The following ZDHHC21 variants were observed in gnomAD, a reference collection of about 807,000 sequenced individuals.
ZDHHC21 encodes the protein zDHHC palmitoyltransferase 21.
Under a neutral mutation model 34.6 loss-of-function variants are expected in ZDHHC21, and 15 were observed. The observed-to-expected ratio is 0.43, with a 90% CI of 0.29 to 0.67. The LOEUF is 0.67. Ranked by LOEUF, ZDHHC21 falls within the 30% of genes least tolerant of loss-of-function variation. ZDHHC21 has a pLI of 0.14. For missense variants in ZDHHC21, 344 were observed against 327.7 expected, an observed-to-expected ratio of 1.05 and a Z score of -0.38; for synonymous variants, 142 against 101.8, an observed-to-expected ratio of 1.40 and a Z score of -2.38.
intron 8 of ZDHHC21, among the ~76,000 whole-genome samples, chr9:14,633,868 C>T (rs903583969): frequency 6.6e-6 from 1 of 152,184 alleles, no homozygotes; most frequent in African/African-American, 2.4e-5. Context: ...CCGTCCTCCC[C>T]AGTAGCAGGG....
intron 7 of ZDHHC21, among the ~76,000 whole-genome samples, chr9:14,649,237 A>G (rs1425187183): frequency 1.3e-5 from 2 of 152,122 alleles, no homozygotes; most frequent in African/African-American, 4.8e-5. Flanking sequence ...AAAGAATAGA[A>G]ACACCTGGAG....
chr9:14,599,631 G>C, the ZDHHC21 span, among the ~76,000 whole-genome samples: 1 of 151,978 alleles, frequency 6.6e-6, no homozygotes, highest in African/African-American at 2.4e-5. Flanking sequence ...AAAGGGGGCT[G>C]AAGCCAGGGT....
downstream of ZDHHC21, among the ~76,000 whole-genome samples, chr9:14,607,649 G>C (rs918505515): frequency 2.0e-5 from 3 of 151,986 alleles, 1 homozygote; most frequent in East Asian, 5.8e-4. Flanking sequence ...AAGGACAAGA[G>C]ATCAGGGCTG....
chr9:14,597,416 G>A, the ZDHHC21 span, among the ~76,000 whole-genome samples: 1 of 152,158 alleles, frequency 6.6e-6, no homozygotes, highest in Non-Finnish European at 1.5e-5. Flanking sequence ...GACCAGGGAG[G>A]CTGCTCTGGC....
Position 14,614,229 on chromosome 9 carries a change from G to A in ZDHHC21, c.*4737C>T, listed in dbSNP as rs561954905. 5.9e-5 allele frequency: 9 copies of A among 151,510 alleles called. No homozygotes were observed. The highest frequency in any genetic ancestry group is 1.9e-4 in the African/African-American group (8 of 41,422). The allele number at this position is 151,510 out of a possible 1,614,324, so 9.4% of individuals were successfully genotyped here. On this transcript the variant is annotated 3_prime_UTR_variant, in exon 10 of 10. Transcript: ENST00000380916. ...CTACTCATTTGTACCTATTCTCTAG[G>A]GTGGACAAGGCAAAAAGAACATAAT...
intron 7 of ZDHHC21, among the ~76,000 whole-genome samples, chr9:14,655,521 T>C (rs149160474): frequency 6.6e-6 from 1 of 152,000 alleles, no homozygotes; most frequent in Non-Finnish European, 1.5e-5. Flanking sequence ...GATTTTTTTC[T>C]ACATCTACCT....
chr9:14,598,263 C>G, the ZDHHC21 span, among the ~76,000 whole-genome samples: 1 of 152,112 alleles, frequency 6.6e-6, no homozygotes, highest in Non-Finnish European at 1.5e-5. Context: ...ACCTGGTGTC[C>G]TCATCTCCAG....
At chr9:14,674,162 A>G in intron 4 of ZDHHC21, 25 bp downstream of exon 4, 9 of 1,448,098 alleles carry the variant, frequency 6.2e-6, no homozygotes, top group Non-Finnish European at 8.2e-6. Flanking sequence ...TAATTATACA[A>G]GAAAATAAAG....
intron 1 of ZDHHC21, among the ~76,000 whole-genome samples, chr9:14,691,447 TC>T (rs1460135992): frequency 6.6e-6 from 1 of 152,214 alleles, no homozygotes; most frequent in Non-Finnish European, 1.5e-5. Context: ...CATGCATTTT[TC>T]CACAGGTTCT....
intron 7 of ZDHHC21, among the ~76,000 whole-genome samples, chr9:14,656,840 T>C (rs1025587227): frequency 6.6e-6 from 1 of 152,034 alleles, no homozygotes; most frequent in Non-Finnish European, 1.5e-5. Flanking sequence ...GCATCTACAA[T>C]TGATGGCTCT....
chr9:14,693,355 C>T lies in ZDHHC21; in HGVS notation c.-351G>A, dbSNP rs1778483615. The T allele has an allele frequency of 2.5e-6, 1 of 406,180 alleles. No homozygotes were observed. Among genetic ancestry groups the T allele is most frequent in the South Asian group, 1.7e-5 (1 of 59,102 alleles). The allele number at this position is 406,180 out of a possible 1,614,324, so 25.2% of individuals were successfully genotyped here. A position where few individuals can be genotyped will look rare whatever the true frequency, so the allele number is the denominator to read the frequency against. On this transcript the variant is annotated 5_prime_UTR_variant, in exon 1 of 10. Transcript: ENST00000380916. Reference sequence around the variant, plus strand: ...CCCAGGCCGGGCCGCTCTCCCCTTCCGCTTCCGGGAGCCTGAGGGCCTGGA... The same window carrying T: ...CCCAGGCCGGGCCGCTCTCCCCTTCTGCTTCCGGGAGCCTGAGGGCCTGGA...
At chr9:14,646,547 C>T (rs1411182458) in intron 7 of ZDHHC21, among the ~76,000 whole-genome samples, 1 of 152,020 alleles carries the variant, frequency 6.6e-6, no homozygotes. Context: ...AAGAGTCAGA[C>T]CACCTCTCTG....
At chr9:14,636,326 G>A (rs1378931857) in intron 8 of ZDHHC21, among the ~76,000 whole-genome samples, 4 of 152,214 alleles carry the variant, frequency 2.6e-5, no homozygotes, top group African/African-American at 9.6e-5. Context: ...TTACAAAGCA[G>A]ACCATTATAT....
the ZDHHC21 span, among the ~76,000 whole-genome samples, chr9:14,591,763 G>T: frequency 6.6e-6 from 1 of 151,988 alleles, no homozygotes; most frequent in African/African-American, 2.4e-5. Context: ...AACAGTAAAA[G>T]TTACTGATAT....
Position 14,688,060 on chromosome 9 carries a change from A to G in ZDHHC21, c.-176+2277T>C, listed in dbSNP as rs1052745688. 7.3e-5 allele frequency among the ~76,000 whole-genome samples: 11 copies of G among 150,994 alleles called. 1 individual carries two copies. The highest frequency in any genetic ancestry group is 1.2e-4 in the Non-Finnish European group (8 of 68,040). On this transcript the variant is annotated intron_variant, in intron 2 of 9. Transcript: ENST00000380916. The stretch of plus-strand genomic sequence containing the variant: ...CATAAAAATCAAGCTCTCATTGCCA[A>G]TTAGGAATTCAATTTTTTAAATATC...
intron 7 of ZDHHC21, among the ~76,000 whole-genome samples, chr9:14,640,779 T>C (rs990204236): frequency 1.3e-5 from 2 of 152,134 alleles, no homozygotes; most frequent in Non-Finnish European, 2.9e-5. Context: ...GAGGGAGGAA[T>C]TGAAATGCTG....
At chr9:14,673,045 C>A in intron 4 of ZDHHC21, 117 bp from the exon 5 acceptor site, 2 of 564,810 alleles carry the variant, frequency 3.5e-6, no homozygotes, top group South Asian at 4.3e-5. Context: ...GAAAAAATTT[C>A]AAAAGATTAA....
intron 6 of ZDHHC21, among the ~76,000 whole-genome samples, chr9:14,661,608 GATTAT>G (rs1833409411): frequency 6.6e-6 from 1 of 152,130 alleles, no homozygotes; most frequent in African/African-American, 2.4e-5. Flanking sequence ...TGTTTTCGAA[GATTAT>G]ATTTCTCAAC....
intron 8 of ZDHHC21, among the ~76,000 whole-genome samples, chr9:14,623,951 T>C (rs1024057737): frequency 6.6e-6 from 1 of 152,024 alleles, no homozygotes; most frequent in African/African-American, 2.4e-5. Flanking sequence ...TAAAAAACAG[T>C]ATGGAGGCAC....
Sources: gnomAD v4.1 joint callset for allele counts (sites outside exome capture counted in the v4.1 genomes callset) on GRCh38, gnomAD v4.1.1 for gene constraint, MANE v1.5 for transcripts, NCBI Gene and HGNC (gene_info 2026-07-23, HGNC 2026-07-21) for gene names.